Variants in PIP5K1B observed in about 807,000 individuals in gnomAD.
PIP5K1B encodes phosphatidylinositol 4-phosphate 5-kinase type-1 beta.
PIP5K1B carries 42 observed loss-of-function variants against 67.0 expected under a neutral mutation model. The observed-to-expected ratio is 0.63, with a 90% CI of 0.49 to 0.81. The LOEUF is 0.81. Ranked by LOEUF, PIP5K1B falls within the 30% of genes least tolerant of loss-of-function variation. PIP5K1B has a pLI of 0.00. For synonymous variants in PIP5K1B, 214 were observed against 231.4 expected, an observed-to-expected ratio of 0.92 and a Z score of 0.68; for missense variants, 459 against 646.3, an observed-to-expected ratio of 0.71 and a Z score of 3.14.
At chr9:68,974,568 A>G (rs1282304786) in intron 14 of PIP5K1B, among the ~76,000 whole-genome samples, 2 of 152,250 alleles carry the variant, frequency 1.3e-5, no homozygotes, top group Admixed American at 6.5e-5. Flanking sequence ...CTAGTGACTC[A>G]GGACAGGTGT....
intron 14 of PIP5K1B, among the ~76,000 whole-genome samples, chr9:68,943,407 A>C (rs1827655139): frequency 6.6e-6 from 1 of 152,202 alleles, no homozygotes; most frequent in Admixed American, 6.5e-5. Flanking sequence ...TAAAGACAAC[A>C]GTTTGAGAAC....
intron 14 of PIP5K1B, among the ~76,000 whole-genome samples, chr9:68,964,397 A>G (rs933352829): frequency 1.3e-5 from 2 of 152,262 alleles, no homozygotes; most frequent in Non-Finnish European, 2.9e-5. Flanking sequence ...GATCTTAGCT[A>G]TCTCAGAACA....
intron 2 of PIP5K1B, chr9:68,782,979 CT>C (rs2132465886): frequency 6.0e-6 from 1 of 167,214 alleles, no homozygotes; most frequent in African/African-American, 2.4e-5. Context: ...TGAAATGAAT[CT>C]CAAATTTCTT....
intron 2 of PIP5K1B, among the ~76,000 whole-genome samples, chr9:68,764,145 G>A (rs1201660387): frequency 7.9e-6 from 1 of 127,186 alleles, no homozygotes; most frequent in African/African-American, 3.0e-5. Context: ...AGATGTCAAT[G>A]GTTTTCCAGT....
In PIP5K1B at chr9:68,856,127, A is replaced by G. The variant is rs527898489; in HGVS notation, c.70-7710A>G. On this transcript the variant is annotated intron_variant, in intron 4 of 15. Coordinates refer to ENST00000265382, the MANE Select transcript of PIP5K1B (RefSeq NM_003558.4). ...GCTGTTCCCTCATTGAAACACATCA[A>G]ACCATTAGGATGGCCTATAAGACCC... 2.6e-5 allele frequency among the ~76,000 whole-genome samples: 4 copies of G among 152,170 alleles called. No individual in the cohort carries two copies. The South Asian group carries it at 8.3e-4, about 32-fold the overall frequency.
At chr9:68,758,326 C>T (rs1207930771) in intron 2 of PIP5K1B, among the ~76,000 whole-genome samples, 2 of 152,118 alleles carry the variant, frequency 1.3e-5, no homozygotes, top group East Asian at 3.8e-4. Flanking sequence ...ATCTGACAGA[C>T]TTTTAAAGCA....
chr9:68,756,535 T>G (rs1829932968), intron 2 of PIP5K1B, among the ~76,000 whole-genome samples: 1 of 152,234 alleles, frequency 6.6e-6, no homozygotes. Flanking sequence ...ATTTTTGCAT[T>G]TCAATTAATT....
At chr9:68,754,246 T>A (rs1388740637) in intron 2 of PIP5K1B, among the ~76,000 whole-genome samples, 6 of 139,300 alleles carry the variant, frequency 4.3e-5, no homozygotes, top group Non-Finnish European at 9.1e-5. Context: ...CTTGGCTCAC[T>A]GCAAGCTCCA....
At chr9:68,771,392 A>G (rs1830664043) in intron 2 of PIP5K1B, among the ~76,000 whole-genome samples, 1 of 152,118 alleles carries the variant, frequency 6.6e-6, no homozygotes, top group African/African-American at 2.4e-5. Flanking sequence ...AACTCTACCA[A>G]CAGTCTTGAA....
At position 68,968,717 on chromosome 9, in the gene PIP5K1B, T is replaced by A. The variant is rs867937160; in HGVS notation, c.1503-22423T>A. Reference sequence around the variant, plus strand: ...CTTGTTTATATATATATATATATATTTTTTTTTTGCATGTGTTGACTATAA... The same window carrying A: ...CTTGTTTATATATATATATATATATATTTTTTTTGCATGTGTTGACTATAA... On this transcript the variant is annotated intron_variant, in intron 14 of 15. Coordinates refer to ENST00000265382, the MANE Select transcript of PIP5K1B (RefSeq NM_003558.4). Among the ~76,000 whole-genome samples the A allele has an allele frequency of 7.4e-3, 1,103 of 148,738 alleles. 15 individuals are homozygous for A. The highest frequency in any genetic ancestry group is 0.024 in the African/African-American group (930 of 39,176).
intron 4 of PIP5K1B, among the ~76,000 whole-genome samples, chr9:68,854,315 A>G (rs1344689765): frequency 6.6e-6 from 1 of 151,874 alleles, no homozygotes; most frequent in Non-Finnish European, 1.5e-5. Context: ...TTTTTTGTAG[A>G]GAAAAGGTCT....
chr9:68,722,114 A>G (rs113539573), intron 1 of PIP5K1B, among the ~76,000 whole-genome samples: 8 of 152,222 alleles, frequency 5.3e-5, no homozygotes, highest in African/African-American at 1.9e-4. Flanking sequence ...TTCTCTGCTT[A>G]TCTCTCCAAG....
chr9:68,974,569 G>A (rs975377389), intron 14 of PIP5K1B, among the ~76,000 whole-genome samples: 5 of 152,344 alleles, frequency 3.3e-5, no homozygotes, highest in Non-Finnish European at 7.3e-5. Context: ...TAGTGACTCA[G>A]GACAGGTGTC....
chr9:68,925,815 T>TTTTA (rs1826669153), intron 12 of PIP5K1B, among the ~76,000 whole-genome samples: 1 of 145,714 alleles, frequency 6.9e-6, no homozygotes, highest in African/African-American at 2.5e-5. Context: ...TTTTTTTTTT[T>TTTTA]GAGACAGGGT....
chr9:68,719,884 A>G (rs1448904004), intron 1 of PIP5K1B, among the ~76,000 whole-genome samples: 1 of 152,240 alleles, frequency 6.6e-6, no homozygotes, highest in Non-Finnish European at 1.5e-5. Context: ...ACATATGTCA[A>G]AAGACTTCTG....
At chr9:68,766,509 T>C (rs61682596) in intron 2 of PIP5K1B, among the ~76,000 whole-genome samples, 5 of 152,278 alleles carry the variant, frequency 3.3e-5, no homozygotes, top group African/African-American at 1.2e-4. Context: ...GCCATTGAAA[T>C]TGAAGATGTA....
At chr9:68,768,244 G>A (rs1830526881) in intron 2 of PIP5K1B, among the ~76,000 whole-genome samples, 2 of 152,304 alleles carry the variant, frequency 1.3e-5, no homozygotes, top group African/African-American at 2.4e-5. Flanking sequence ...TAACTATGCC[G>A]GTGGGAAGAG....
intron 12 of PIP5K1B, among the ~76,000 whole-genome samples, chr9:68,928,514 GTTGT>G (rs765013314): frequency 2.6e-5 from 4 of 152,064 alleles, no homozygotes; most frequent in Non-Finnish European, 5.9e-5. Flanking sequence ...TTTATAGATT[GTTGT>G]TTATGTTTTC....
intron 4 of PIP5K1B, among the ~76,000 whole-genome samples, chr9:68,863,480 T>C (rs550005175): frequency 6.6e-6 from 1 of 152,314 alleles, no homozygotes; most frequent in South Asian, 2.1e-4. Context: ...TTACATCAGC[T>C]TAATTATTGG....
Sources: gnomAD v4.1 joint callset for allele counts (sites outside exome capture counted in the v4.1 genomes callset) on GRCh38, gnomAD v4.1.1 for gene constraint, MANE v1.5 for transcripts, NCBI Gene and HGNC (gene_info 2026-07-23, HGNC 2026-07-21) for gene names.